ECE1: variants seen among roughly 807,000 people sequenced by gnomAD.
The protein encoded by ECE1 is endothelin converting enzyme 1, also known as endothelin-converting enzyme 1.
In ECE1, 35 loss-of-function variants were observed where a neutral mutation model predicts 98.6. That is an observed-to-expected ratio of 0.35 (90% CI 0.27 to 0.47). The LOEUF (loss-of-function observed/expected upper bound fraction) is 0.47, where lower values mean the gene tolerates loss of function less well. Ranked by LOEUF, ECE1 falls within the 20% of genes least tolerant of loss-of-function variation. ECE1 has a pLI of 1.00. For missense variants in ECE1, 814 were observed against 1,025.3 expected (o/e 0.79, Z 2.81); for synonymous variants, 394 against 407.1 (o/e 0.97, Z 0.39).
rs1458014755 is a variant in ECE1 at position 21,319,486 on chromosome 1, C to T, written c.3+25890G>A. Reference sequence around the variant, plus strand: ...TCCATAAATGCCGGCTCCATGCTGCCCCCACCTCTGTCCACCAGGGCACCC... The same window carrying T: ...TCCATAAATGCCGGCTCCATGCTGCTCCCACCTCTGTCCACCAGGGCACCC... On this transcript the variant is annotated intron_variant, in intron 1 of 18. Transcript: ENST00000415912. The surrounding 1 kb of genome is among the most constrained non-coding windows in gnomAD (Gnocchi z 4.4). Among the ~76,000 whole-genome samples the T allele has an allele frequency of 6.6e-6, 1 of 152,182 alleles. No individual in the cohort carries two copies. Among genetic ancestry groups the T allele is most frequent in the African/African-American group, 2.4e-5 (1 of 41,438 alleles).
intron 4 of ECE1, among the ~76,000 whole-genome samples, chr1:21,271,976 T>C (rs1280381999): frequency 6.6e-6 from 1 of 151,770 alleles, no homozygotes; most frequent in East Asian, 1.9e-4. Context: ...TCTCGATCCC[T>C]TTTGCTCATA....
chr1:21,338,209 C>T (rs1006803797), intron 1 of ECE1, among the ~76,000 whole-genome samples: 11 of 152,162 alleles, frequency 7.2e-5, no homozygotes, highest in African/African-American at 1.7e-4. Flanking sequence ...CCTGGACACC[C>T]CAGCCCAGCC....
At position 21,224,123 on chromosome 1, in the gene ECE1, C is replaced by G. The variant is rs140951498; in HGVS notation, c.2040+1127G>C. ...CTAGTTCGTGGCCTCTGCACTTGCTCTTCCTCTTGCTGAGACCATTTTCCC... is the reference window on the plus strand; with the variant it reads ...CTAGTTCGTGGCCTCTGCACTTGCTGTTCCTCTTGCTGAGACCATTTTCCC... On this transcript the variant is annotated intron_variant, in intron 17 of 18. Coordinates refer to ENST00000374893, the MANE Select transcript of ECE1 (RefSeq NM_001397.3). Among the ~76,000 whole-genome samples, 471 of 152,188 alleles carry G rather than the reference C, an allele frequency of 3.1e-3. 3 individuals carry two copies. The highest frequency in any genetic ancestry group is 0.01 in the African/African-American group (417 of 41,528).
Position 21,227,975 on chromosome 1 carries a change from C to A in ECE1, c.1737G>T (p.Pro579=). The A allele has an allele frequency of 6.4e-7, 1 of 1,561,148 alleles. No homozygotes were observed. The highest frequency in any genetic ancestry group is 8.7e-7 in the Non-Finnish European group (1 of 1,151,552). The change falls in exon 15 of 19, where the codon CCG becomes CCT. Residue 579 remains proline, a synonymous_variant. Coordinates refer to ENST00000374893, the MANE Select transcript of ECE1 (RefSeq NM_001397.3). ...AGAATGGTGCCTGCAGGATCCCGGC[C>A]GGAAACACAATCTCATTCTTGGTGG... is the stretch of plus-strand genomic sequence containing the variant. The part of the protein sequence containing the change: ...YSPTKNEIVF[P]AGILQAPFYT...
At chr1:21,339,670 C>T (rs1020333028) in intron 1 of ECE1, among the ~76,000 whole-genome samples, 9 of 152,226 alleles carry the variant, frequency 5.9e-5, no homozygotes, top group Non-Finnish European at 1.2e-4. Flanking sequence ...TTCATACAAG[C>T]GCTCTAGCGT....
intron 10 of ECE1, 191 bp from the exon 11 acceptor site, chr1:21,238,435 A>C (rs1370216070): frequency 4.7e-6 from 3 of 638,908 alleles, no homozygotes; most frequent in East Asian, 2.8e-5. Flanking sequence ...ACCCCCTGCC[A>C]TTTCCTGAAT....
In ECE1 at chr1:21,307,851, G is replaced by T. The variant is rs550916353; in HGVS notation, c.4-17695C>A. On this transcript the variant is annotated intron_variant, in intron 1 of 18. Transcript: ENST00000415912. This position sits in a 1 kb window ranked among gnomAD's most constrained non-coding sequence, Gnocchi z 4.2. The stretch of plus-strand genomic sequence containing the variant: ...CCTGCCCCCTTGAGAGGGAGGCCCT[G>T]CCCCCTTGAGAGGTTGGCCCCGCCT... 6.6e-4 allele frequency among the ~76,000 whole-genome samples: 100 copies of T among 152,296 alleles called. No individual in the cohort carries two copies. Among genetic ancestry groups the T allele is most frequent in the South Asian group, 2.7e-3 (13 of 4,832 alleles).
rs764245944 is a variant in ECE1 at position 21,233,517 on chromosome 1, G to T, written c.1670+41C>A. ...TTCGTCCCAAGGCTTGCCCACAGGT[G>T]GGGAGCTGGCACCTTGCCGGCAGGG... On this transcript the variant is annotated intron_variant, in intron 14 of 18. Transcript: ENST00000374893. The surrounding 1 kb of genome is among the most constrained non-coding windows in gnomAD (Gnocchi z 4.0). The T allele has an allele frequency of 4.4e-6, 7 of 1,587,164 alleles. No homozygotes were observed. In the Middle Eastern group the frequency reaches 6.3e-4, roughly 143 times the overall value.
At chr1:21,333,677 T>C (rs111537531) in intron 1 of ECE1, among the ~76,000 whole-genome samples, 2 of 152,026 alleles carry the variant, frequency 1.3e-5, no homozygotes, top group Admixed American at 1.3e-4. Context: ...TACTAAAAAA[T>C]ACAAAAGTTA....
chr1:21,322,348 C>G lies in ECE1; in HGVS notation c.3+23028G>C, dbSNP rs1008429695. On this transcript the variant is annotated intron_variant, in intron 1 of 18. Coordinates refer to the ECE1 transcript ENST00000415912. The surrounding 1 kb of genome is among the most constrained non-coding windows in gnomAD (Gnocchi z 4.1). Reference sequence around the variant, plus strand: ...CCACCTCTAGCAAATGCTTCCATTCCCACAACCATGGGCACCTTGTGGAGG... The same window carrying G: ...CCACCTCTAGCAAATGCTTCCATTCGCACAACCATGGGCACCTTGTGGAGG... 1.3e-5 allele frequency among the ~76,000 whole-genome samples: 2 copies of G among 152,200 alleles called. No homozygotes were observed. Among genetic ancestry groups the G allele is most frequent in the African/African-American group, 2.4e-5 (1 of 41,458 alleles).
chr1:21,273,348 T>TGTGTGC (rs2098242738), intron 3 of ECE1, among the ~76,000 whole-genome samples: 1 of 59,002 alleles, frequency 1.7e-5, no homozygotes, highest in African/African-American at 1.4e-4. Context: ...CGTGTGTGCG[T>TGTGTGC]GTGTGTGTGT....
At position 21,228,026 on chromosome 1, in the gene ECE1, CG is replaced by C. The variant is rs775029569; in HGVS notation, c.1685del (p.Pro562ArgfsTer4). ...GCGAGTAGTAGGCGTTCACCATGGGCGGGGTCATGCTCCACCTGCAAGCAAC... is the reference window on the plus strand; with the variant it reads ...GCGAGTAGTAGGCGTTCACCATGGGCGGGTCATGCTCCACCTGCAAGCAAC... ...APNRDQWSMT[P>X]PMVNAYYSPT... On this transcript the variant is annotated frameshift_variant, in exon 15 of 19. Coordinates refer to ENST00000374893, the MANE Select transcript of ECE1 (RefSeq NM_001397.3). LOFTEE classifies it high-confidence loss of function. The C allele has an allele frequency of 1.3e-6, 2 of 1,561,696 alleles. No homozygotes were observed. The highest frequency in any genetic ancestry group is 1.4e-5 in the African/African-American group (1 of 73,482).
intron 8 of ECE1, among the ~76,000 whole-genome samples, chr1:21,252,709 G>A (rs983280978): frequency 9.2e-5 from 14 of 152,230 alleles, no homozygotes; most frequent in Non-Finnish European, 1.6e-4. Flanking sequence ...ACCACACTGT[G>A]AAACCTGGCG....
intron 2 of ECE1, among the ~76,000 whole-genome samples, chr1:21,281,746 G>A (rs945537250): frequency 3.9e-5 from 6 of 152,146 alleles, no homozygotes; most frequent in Admixed American, 3.9e-4. Context: ...ACCCAGGCTG[G>A]AGTGCAATGG....
chr1:21,263,376 G>A (rs79911076), intron 4 of ECE1, among the ~76,000 whole-genome samples: 3 of 115,560 alleles, frequency 2.6e-5, no homozygotes, highest in African/African-American at 1.1e-4. Context: ...TTTTTTTTTT[G>A]AGACAGAGTC....
At chr1:21,230,032 C>G (rs185542131) in intron 14 of ECE1, among the ~76,000 whole-genome samples, 15 of 151,996 alleles carry the variant, frequency 9.9e-5, no homozygotes. Flanking sequence ...TGAAACCTGT[C>G]TCTACAAAAA....
At chr1:21,329,855 T>A (rs1639158988) in intron 1 of ECE1, among the ~76,000 whole-genome samples, 1 of 152,132 alleles carries the variant, frequency 6.6e-6, no homozygotes, top group African/African-American at 2.4e-5. Flanking sequence ...AAAGCAGGAA[T>A]TGGATGGGAA....
chr1:21,286,733 T>C (rs1228513101), intron 2 of ECE1, among the ~76,000 whole-genome samples: 1 of 152,004 alleles, frequency 6.6e-6, no homozygotes, highest in African/African-American at 2.4e-5. Context: ...GAGACCAGCC[T>C]GGGCAACATG....
chr1:21,228,083 G>T (rs2098176775), intron 14 of ECE1, 42 bp from the exon 15 acceptor site: 1 of 1,502,926 alleles, frequency 6.7e-7, no homozygotes, highest in Non-Finnish European at 9.0e-7. Flanking sequence ...CACAGGGCGG[G>T]AGGCAGGTGG....
Sources: gnomAD v4.1 joint callset for allele counts (sites outside exome capture counted in the v4.1 genomes callset) on GRCh38, gnomAD v4.1.1 for gene constraint, Gnocchi (gnomAD v3.1) non-coding constraint, MANE v1.5 for transcripts, NCBI Gene and HGNC (gene_info 2026-07-23, HGNC 2026-07-21) for gene names.